Variants in GLCE observed in about 807,000 individuals in gnomAD.
GLCE encodes the protein glucuronic acid epimerase, also known as D-glucuronyl C5-epimerase.
Under a neutral mutation model 47.9 loss-of-function variants are expected in GLCE, and 19 were observed. The ratio of observed to expected loss-of-function variants is 0.40; its 90% CI spans 0.28 to 0.58. The LOEUF (loss-of-function observed/expected upper bound fraction) is 0.58. GLCE is among the 20% of genes least tolerant of loss of function. The probability of loss-of-function intolerance (pLI) is 0.48; values close to 1 mark genes in which losing one functional copy is unlikely to be tolerated. For missense variants in GLCE, 556 were observed against 743.3 expected, an observed-to-expected ratio of 0.75 and a Z score of 2.93; for synonymous variants, 245 against 263.4, an observed-to-expected ratio of 0.93 and a Z score of 0.68.
At chr15:69,188,248 A>C (rs2051858107) in intron 1 of GLCE, among the ~76,000 whole-genome samples, 1 of 152,134 alleles carries the variant, frequency 6.6e-6, no homozygotes, top group Non-Finnish European at 1.5e-5. Context: ...AAAACAAAAA[A>C]CAAAACAAAA....
In GLCE at chr15:69,269,436, G is replaced by A. The variant is rs2053134503; in HGVS notation, c.*192G>A. 1.7e-6 allele frequency: 1 copy of A among 584,892 alleles called. No homozygotes were observed. The highest frequency in any genetic ancestry group is 1.9e-5 in the African/African-American group (1 of 53,638). 36.2% of individuals were successfully genotyped at this position (584,892 alleles called of 1,614,324 possible). The stretch of plus-strand genomic sequence containing the variant: ...ATGGGTTGGGTATTTAGAAATGTAG[G>A]TGGCATTTAGAACACAATGTTTAAT... On this transcript the variant is annotated 3_prime_UTR_variant, in exon 5 of 5. Coordinates refer to ENST00000261858, the MANE Select transcript of GLCE (RefSeq NM_015554.3).
intron 1 of GLCE, among the ~76,000 whole-genome samples, chr15:69,172,689 C>G (rs1465664431): frequency 6.6e-6 from 1 of 152,082 alleles, no homozygotes; most frequent in Non-Finnish European, 1.5e-5. Context: ...TGGCCATATC[C>G]AGAGCTTGAT....
At position 69,193,793 on chromosome 15, in the gene GLCE, G is replaced by A. The variant is rs190287229; in HGVS notation, c.-104-16523G>A. 9.9e-5 allele frequency among the ~76,000 whole-genome samples: 15 copies of A among 152,076 alleles called. No homozygotes were observed. In the East Asian group the frequency reaches 2.9e-3, roughly 30 times the overall value. Reference sequence around the variant, plus strand: ...CCTTGTTTGCTTCAGTCTAGTACACGCTTTGCACTGGATATTCCAGACTAA... The same window carrying A: ...CCTTGTTTGCTTCAGTCTAGTACACACTTTGCACTGGATATTCCAGACTAA... On this transcript the variant is annotated intron_variant, in intron 1 of 4. Transcript: ENST00000261858.
intron 2 of GLCE, among the ~76,000 whole-genome samples, chr15:69,214,237 T>C (rs1444733558): frequency 6.6e-6 from 1 of 152,062 alleles, no homozygotes; most frequent in Non-Finnish European, 1.5e-5. Flanking sequence ...AGTTAGGAAA[T>C]GTATACTGAT....
rs377340445 is a variant in GLCE, at chr15:69,191,833, CTG to C, written c.-104-18479_-104-18478del. 5.9e-5 allele frequency among the ~76,000 whole-genome samples: 9 copies of C among 152,248 alleles called. 1 individual carries two copies. Among genetic ancestry groups the C allele is most frequent in the African/African-American group, 2.2e-4 (9 of 41,566 alleles). ...TCTAAGGATAGCACTCCTGAGCCTG[CTG>C]TGTTACCTTTTTCCTGCATACTAGG... On this transcript the variant is annotated intron_variant, in intron 1 of 4. Coordinates refer to ENST00000261858, the MANE Select transcript of GLCE (RefSeq NM_015554.3).
chr15:69,166,548 G>T (rs1033632173), intron 1 of GLCE, among the ~76,000 whole-genome samples: 1 of 152,192 alleles, frequency 6.6e-6, no homozygotes, highest in African/African-American at 2.4e-5. Flanking sequence ...GTGGTGGAAT[G>T]GGGTGCTGAA....
chr15:69,230,359 G>A lies in GLCE; in HGVS notation c.-14+19953G>A, dbSNP rs190227267. Among the ~76,000 whole-genome samples, 243 of 152,250 alleles carry A rather than the reference G, an allele frequency of 1.6e-3. 4 individuals carry two copies. The highest frequency in any genetic ancestry group is 6.3e-4 in the Non-Finnish European group (43 of 68,014). On this transcript the variant is annotated intron_variant, in intron 2 of 4. Transcript: ENST00000261858. ...TGAAGGACATTTGATAATATAAAAG[G>A]GGTCAGTTTACCAAGAGTATATAGT...
At chr15:69,241,980 C>A (rs2052677961) in intron 2 of GLCE, among the ~76,000 whole-genome samples, 1 of 152,196 alleles carries the variant, frequency 6.6e-6, no homozygotes, top group African/African-American at 2.4e-5. Flanking sequence ...AAAAGACCAC[C>A]TTATCAATTT....
chr15:69,236,690 T>C (rs1566964702), intron 2 of GLCE, among the ~76,000 whole-genome samples: 1 of 152,170 alleles, frequency 6.6e-6, no homozygotes, highest in East Asian at 1.9e-4. Context: ...CATTTAGTTC[T>C]CAAGACACCT....
chr15:69,175,606 A>G (rs529290833), intron 1 of GLCE, among the ~76,000 whole-genome samples: 3 of 152,296 alleles, frequency 2.0e-5, no homozygotes, highest in Admixed American at 2.0e-4. Context: ...TTCATTTTCT[A>G]TATTCTTCAT....
chr15:69,189,186 G>A (rs1462573517), intron 1 of GLCE, among the ~76,000 whole-genome samples: 1 of 152,122 alleles, frequency 6.6e-6, no homozygotes, highest in African/African-American at 2.4e-5. Flanking sequence ...TGCTCCACCT[G>A]TTCATCCCTA....
intron 3 of GLCE, among the ~76,000 whole-genome samples, chr15:69,258,204 G>A (rs1305906709): frequency 6.6e-6 from 1 of 151,918 alleles, no homozygotes; most frequent in Non-Finnish European, 1.5e-5. Flanking sequence ...GTGTCCATGC[G>A]TTTTCATCAT....
At chr15:69,257,207 G>A (rs763375536) in intron 3 of GLCE, among the ~76,000 whole-genome samples, 8 of 152,152 alleles carry the variant, frequency 5.3e-5, no homozygotes, top group Admixed American at 2.0e-4. Flanking sequence ...CCCACAGACC[G>A]AAGGATTATA....
chr15:69,256,282 C>A lies in GLCE; in HGVS notation c.476C>A (p.Ser159Tyr). 6.2e-7 allele frequency: 1 copy of A among 1,613,708 alleles called. No individual in the cohort carries two copies. The highest frequency in any genetic ancestry group is 8.5e-7 in the Non-Finnish European group (1 of 1,179,728). ...CGGTTTGAATTCTCTCATAGCTATT[C>A]CAAAGTCTATGCACAGAGAGCCCCC... ...YDRFEFSHSY[S>Y]KVYAQRAPYH... Residue 159 changes from serine (S) to tyrosine (Y), a missense_variant, in exon 3 of 5, where the codon TCC (serine) becomes TAC (tyrosine). Coordinates refer to ENST00000261858, the MANE Select transcript of GLCE (RefSeq NM_015554.3).
Position 69,261,293 on chromosome 15 carries a change from T to C in GLCE, c.793T>C (p.Ser265Pro). The change falls in exon 4 of 5, where the codon TCT (serine) becomes CCT (proline). Residue 265 changes from serine (S) to proline (P), a missense_variant. Physicochemically the swap from Ser to Pro is moderately conservative, Grantham distance 74. Coordinates refer to ENST00000261858, the MANE Select transcript of GLCE (RefSeq NM_015554.3). ...GCFMANVADK[S>P]RFTNVKQFIA... ...CTTTATGGCGAATGTGGCTGATAAG[T>C]CTAGATTCACCAATGTCAAACAGTT... 4 of 1,613,952 alleles carry C rather than the reference T, an allele frequency of 2.5e-6. No homozygotes were observed. The highest frequency in any genetic ancestry group is 3.4e-6 in the Non-Finnish European group (4 of 1,179,916).
rs144554185 is a variant in GLCE, at chr15:69,212,306, C to A, written c.-14+1900C>A. 9.9e-5 allele frequency among the ~76,000 whole-genome samples: 15 copies of A among 151,946 alleles called. No individual in the cohort carries two copies. The East Asian group carries it at 2.9e-3, about 29-fold the overall frequency. On this transcript the variant is annotated intron_variant, in intron 2 of 4. Coordinates refer to ENST00000261858, the MANE Select transcript of GLCE (RefSeq NM_015554.3). ...CTATTAAAATCATATCTTAAGACAT[C>A]TTTTTTTAATTTCCCTGATTTGTGT...
At chr15:69,224,226 A>G (rs376926470) in intron 2 of GLCE, among the ~76,000 whole-genome samples, 44 of 152,248 alleles carry the variant, frequency 2.9e-4, no homozygotes, top group African/African-American at 1.1e-3. Context: ...TTGTTTTAGT[A>G]TTATTTTTGT....
chr15:69,224,694 G>A (rs1157009441), intron 2 of GLCE, among the ~76,000 whole-genome samples: 1 of 152,220 alleles, frequency 6.6e-6, no homozygotes, highest in Non-Finnish European at 1.5e-5. Flanking sequence ...AGGAGCACAT[G>A]CACAGCTGCC....
chr15:69,164,944 A>G (rs1427777563), intron 1 of GLCE, among the ~76,000 whole-genome samples: 2 of 152,098 alleles, frequency 1.3e-5, no homozygotes, highest in East Asian at 3.8e-4. Context: ...GATCCCCTTT[A>G]ATCCATCCTT....
Sources: gnomAD v4.1 joint callset for allele counts (sites outside exome capture counted in the v4.1 genomes callset) on GRCh38, gnomAD v4.1.1 for gene constraint, MANE v1.5 for transcripts, NCBI Gene and HGNC (gene_info 2026-07-23, HGNC 2026-07-21) for gene names.